Variants in MCF2L observed in about 807,000 individuals in gnomAD.
MCF2L encodes the protein guanine nucleotide exchange factor DBS.
MCF2L carries 97 observed loss-of-function variants against 153.4 expected under a neutral mutation model. That is an observed-to-expected ratio of 0.63 (90% CI 0.54 to 0.75). The LOEUF is 0.75. Among genes scored for constraint, MCF2L ranks in the 30% least tolerant of loss-of-function variants. The pLI, the probability that MCF2L is intolerant of heterozygous loss-of-function variation, is 0.00. For synonymous variants in MCF2L, 659 were observed against 632.2 expected, an observed-to-expected ratio of 1.04 and a Z score of -0.64; for missense variants, 1,347 against 1,495.2, an observed-to-expected ratio of 0.90 and a Z score of 1.64.
At chr13:113,059,618 T>C (rs1317160564) in intron 4 of MCF2L, among the ~76,000 whole-genome samples, 1 of 152,184 alleles carries the variant, frequency 6.6e-6, no homozygotes, top group Admixed American at 6.5e-5. Flanking sequence ...ATCGCGGCTT[T>C]TGAGCGCTTC....
At chr13:112,937,705 T>C (rs1307218177) in intron 2 of MCF2L, among the ~76,000 whole-genome samples, 1 of 152,202 alleles carries the variant, frequency 6.6e-6, no homozygotes, top group Non-Finnish European at 1.5e-5. Flanking sequence ...GATTGGGTGA[T>C]GCAGCTGAGC....
chr13:113,033,819 G>A (rs59798047), intron 3 of MCF2L: 62,758 of 166,794 alleles, frequency 0.38, 12,608 homozygotes, highest in Non-Finnish European at 0.45. Context: ...GTGTCTGTGC[G>A]CTGTGCTGGG....
chr13:113,087,870 G>A, intron 23 of MCF2L, 71 bp downstream of exon 23: 2 of 1,334,954 alleles, frequency 1.5e-6, no homozygotes, highest in Non-Finnish European at 2.1e-6. Context: ...ACCAGTGCAA[G>A]GATCTGCCAT....
intron 2 of MCF2L, among the ~76,000 whole-genome samples, chr13:113,016,749 G>A (rs1359881570): frequency 6.6e-6 from 1 of 152,194 alleles, no homozygotes; most frequent in Non-Finnish European, 1.5e-5. Flanking sequence ...TTCTTCCGCG[G>A]GGCTTGTGGC....
rs777356844 is a variant in MCF2L at position 112,946,032 on chromosome 13, G to C, written c.169+43661G>C. ...GCACGCCAGCCCGGGCTCTTCTGGG[G>C]TATCATGTTTTGAGAATATTTGTCT... On this transcript the variant is annotated intron_variant, in intron 2 of 29. Coordinates refer to the MCF2L transcript ENST00000375608. Among the ~76,000 whole-genome samples the C allele has an allele frequency of 1.1e-3, 164 of 152,178 alleles. 1 individual carries two copies. Among genetic ancestry groups the C allele is most frequent in the Non-Finnish European group, 5.7e-4 (39 of 67,992 alleles).
chr13:113,042,276 C>G (rs557602004), intron 3 of MCF2L: 3 of 152,254 alleles, frequency 2.0e-5, no homozygotes, highest in African/African-American at 7.2e-5. Flanking sequence ...CCTTCTGCAG[C>G]TGAGCGACAG....
chr13:112,961,705 C>T (rs1232072633), intron 2 of MCF2L, among the ~76,000 whole-genome samples: 2 of 152,226 alleles, frequency 1.3e-5, no homozygotes, highest in Non-Finnish European at 2.9e-5. Flanking sequence ...TGCTACTTCC[C>T]GGGAGCTGCA....
At chr13:112,956,471 G>A (rs1443413613) in intron 2 of MCF2L, 1 of 152,210 alleles carries the variant, frequency 6.6e-6, no homozygotes, top group Admixed American at 6.5e-5. Flanking sequence ...TAGTATAACA[G>A]GACCCCTGAT....
chr13:112,952,914 C>T (rs141586736), intron 2 of MCF2L, among the ~76,000 whole-genome samples: 33 of 152,266 alleles, frequency 2.2e-4, no homozygotes, highest in Non-Finnish European at 3.4e-4. Flanking sequence ...GAACACGGGG[C>T]GCCCCGTGTG....
intron 26 of MCF2L, 95 bp from the exon 27 acceptor site, chr13:113,094,419 C>T: frequency 7.4e-7 from 1 of 1,353,912 alleles, no homozygotes; most frequent in Non-Finnish European, 1.0e-6. Context: ...GCACACATTT[C>T]AGGGGGTCTG....
intron 2 of MCF2L, among the ~76,000 whole-genome samples, chr13:113,015,774 C>T (rs2084471935): frequency 6.6e-6 from 1 of 152,238 alleles, no homozygotes; most frequent in African/African-American, 2.4e-5. Context: ...TTGGTCCCTG[C>T]TTCCCATGGC....
In MCF2L at chr13:113,064,863, G is replaced by A; in HGVS notation, c.607-73G>A. On this transcript the variant is annotated intron_variant, in intron 6 of 29. Transcript: ENST00000535094. This position sits in a 1 kb window ranked among gnomAD's most constrained non-coding sequence, Gnocchi z 6.0. ...GTCTGTGTGGGAACGGTTTCCGCCG[G>A]TGTCTGCTTTCAGGGCAGCAGGAGG... 1 of 1,532,896 alleles carries A rather than the reference G, an allele frequency of 6.5e-7. No individual in the cohort carries two copies. Among genetic ancestry groups the A allele is most frequent in the South Asian group, 1.3e-5 (1 of 79,974 alleles). 95.0% of individuals were successfully genotyped at this position (1,532,896 alleles called of 1,614,324 possible).
At chr13:112,940,872 C>T (rs1416146948) in intron 2 of MCF2L, among the ~76,000 whole-genome samples, 1 of 152,110 alleles carries the variant, frequency 6.6e-6, no homozygotes, top group Non-Finnish European at 1.5e-5. Flanking sequence ...CTACGCAGAC[C>T]CCAGCATTTG....
intron 2 of MCF2L, among the ~76,000 whole-genome samples, chr13:112,929,339 C>T (rs1005882845): frequency 3.3e-5 from 5 of 152,230 alleles, no homozygotes; most frequent in Admixed American, 6.5e-5. Context: ...GCTGCAGCAA[C>T]GCTGCGGTTT....
chr13:112,974,571 C>A (rs1021601225), intron 1 of MCF2L, among the ~76,000 whole-genome samples: 1 of 152,156 alleles, frequency 6.6e-6, no homozygotes, highest in African/African-American at 2.4e-5. Flanking sequence ...TCATCAATAC[C>A]AGCTGAATAC....
At chr13:113,084,100 A>T in intron 18 of MCF2L, 33 bp downstream of exon 18, 1 of 1,549,058 alleles carries the variant, frequency 6.5e-7, no homozygotes, top group Non-Finnish European at 8.9e-7. Context: ...TTTTGTCACA[A>T]CTTCTTAAAA....
Position 112,994,114 on chromosome 13 carries a change from C to T in MCF2L, c.80-20649C>T, listed in dbSNP as rs1486177114. ...CGCTTGGGACCCCCCAAGCTGACGT[C>T]ACTGTCTGTGCCGGTGTCTCGGGCA... On this transcript the variant is annotated intron_variant, in intron 1 of 29. Coordinates refer to ENST00000535094, the MANE Select transcript of MCF2L (RefSeq NM_001112732.3). 2.0e-5 allele frequency among the ~76,000 whole-genome samples: 3 copies of T among 152,154 alleles called. No individual in the cohort carries two copies. In the East Asian group the frequency reaches 5.8e-4, roughly 29 times the overall value.
intron 1 of MCF2L, among the ~76,000 whole-genome samples, chr13:112,982,863 G>A (rs1315815777): frequency 1.3e-5 from 2 of 152,140 alleles, no homozygotes; most frequent in Non-Finnish European, 2.9e-5. Flanking sequence ...AAATTGCAGA[G>A]AACAAGGGCG....
intron 1 of MCF2L, among the ~76,000 whole-genome samples, chr13:112,973,765 G>T (rs143965451): frequency 6.6e-6 from 1 of 152,316 alleles, no homozygotes; most frequent in African/African-American, 2.4e-5. Flanking sequence ...GCCCTTCAGG[G>T]AGACCCGTGG....
Sources: gnomAD v4.1 joint callset for allele counts (sites outside exome capture counted in the v4.1 genomes callset) on GRCh38, gnomAD v4.1.1 for gene constraint, Gnocchi (gnomAD v3.1) non-coding constraint, MANE v1.5 for transcripts, NCBI Gene and HGNC (gene_info 2026-07-23, HGNC 2026-07-21) for gene names.